COG5: variants seen among roughly 807,000 people sequenced by gnomAD.
The protein encoded by COG5 is conserved oligomeric Golgi complex subunit 5.
Under a neutral mutation model 110.4 loss-of-function variants are expected in COG5, and 86 were observed. The observed-to-expected ratio is 0.78, with a 90% CI of 0.65 to 0.93. The LOEUF (loss-of-function observed/expected upper bound fraction) is 0.93. Among genes scored for constraint, COG5 ranks in the 40% least tolerant of loss-of-function variants. The pLI, the probability that COG5 is intolerant of heterozygous loss-of-function variation, is 0.00. For synonymous variants in COG5, 360 were observed against 334.6 expected (o/e 1.08, Z -0.83); for missense variants, 1,077 against 987.0 (o/e 1.09, Z -1.22).
chr7:107,474,001 AAT>A lies in COG5; in HGVS notation c.538+53234_538+53235del. The A allele has an allele frequency of 1.2e-6, 1 of 849,636 alleles. No homozygotes were observed. The highest frequency in any genetic ancestry group is 1.7e-5 in the African/African-American group (1 of 58,814). 52.6% of individuals were successfully genotyped at this position (849,636 alleles called of 1,614,324 possible). On this transcript the variant is annotated intron_variant, in intron 6 of 21. Transcript: ENST00000297135. This position sits in a 1 kb window ranked among gnomAD's most constrained non-coding sequence, Gnocchi z 5.7. ...ACGTTATACGTCATTTAAATTGCCA[AAT>A]ATCAAATAGTTTATTCTATTTCACT...
At chr7:107,437,676 A>T (rs1328918066) in intron 6 of COG5, among the ~76,000 whole-genome samples, 1 of 152,152 alleles carries the variant, frequency 6.6e-6, no homozygotes, top group African/African-American at 2.4e-5. Context: ...ATATATTTAG[A>T]TGCACATATT....
chr7:107,394,341 A>G (rs1474892857), intron 7 of COG5, among the ~76,000 whole-genome samples: 1 of 152,056 alleles, frequency 6.6e-6, no homozygotes, highest in African/African-American at 2.4e-5. Context: ...ATTTCAGAAT[A>G]TGGCACAATC....
chr7:107,332,734 T>TA (rs1810370760), intron 10 of COG5, among the ~76,000 whole-genome samples: 1 of 152,000 alleles, frequency 6.6e-6, no homozygotes, highest in South Asian at 2.1e-4. Context: ...GAAGTAGAGA[T>TA]ACCAGGTAGC....
rs922776651 is a variant in COG5, at chr7:107,506,607, C to G, written c.538+20630G>C. On this transcript the variant is annotated intron_variant, in intron 6 of 21. Transcript: ENST00000297135. ...TAAACCCCACCCAGCTCACCCAGCT[C>G]CCCGCATACTTCGCAAGGCAGATCT... is the stretch of plus-strand genomic sequence containing the variant. 4.6e-5 allele frequency among the ~76,000 whole-genome samples: 7 copies of G among 152,188 alleles called. No homozygotes were observed. The East Asian group carries it at 9.6e-4, about 21-fold the overall frequency.
At chr7:107,291,551 T>C (rs1013991355) in intron 12 of COG5, among the ~76,000 whole-genome samples, 4 of 152,250 alleles carry the variant, frequency 2.6e-5, no homozygotes, top group Non-Finnish European at 5.9e-5. Flanking sequence ...GACACAGCTT[T>C]GGGTATGCTA....
chr7:107,324,771 C>T (rs962924232), intron 10 of COG5, among the ~76,000 whole-genome samples: 1 of 152,168 alleles, frequency 6.6e-6, no homozygotes. Context: ...GGGCATGTTG[C>T]TTAGCCATTC....
At chr7:107,300,973 TAG>T (rs112598136) in intron 11 of COG5, among the ~76,000 whole-genome samples, 54 of 152,174 alleles carry the variant, frequency 3.5e-4, no homozygotes, top group African/African-American at 1.3e-3. Context: ...TGGTGCAGAA[TAG>T]AGAGTACAAA....
At chr7:107,322,000 C>G (rs1183585502) in intron 11 of COG5, among the ~76,000 whole-genome samples, 1 of 152,094 alleles carries the variant, frequency 6.6e-6, no homozygotes, top group African/African-American at 2.4e-5. Context: ...TGCAAAGATT[C>G]CTTGGGACTC....
intron 19 of COG5, among the ~76,000 whole-genome samples, chr7:107,214,164 A>T (rs1799357164): frequency 6.6e-6 from 1 of 152,184 alleles, no homozygotes; most frequent in South Asian, 2.1e-4. Flanking sequence ...GTAGACTTGT[A>T]CTAAAAATTC....
chr7:107,406,324 T>C (rs984399862), intron 7 of COG5, among the ~76,000 whole-genome samples: 2 of 152,204 alleles, frequency 1.3e-5, no homozygotes, highest in Non-Finnish European at 2.9e-5. Context: ...ATTACTTTTA[T>C]ACTTTTGTCT....
chr7:107,439,154 C>T (rs774265833), intron 6 of COG5, among the ~76,000 whole-genome samples: 1 of 152,174 alleles, frequency 6.6e-6, no homozygotes, highest in Non-Finnish European at 1.5e-5. Flanking sequence ...CTATGCCCTC[C>T]TGCCTCATCA....
rs553021569 is a variant in COG5, at chr7:107,525,749, A to AT, written c.538+1487dup. On this transcript the variant is annotated intron_variant, in intron 6 of 21. Coordinates refer to ENST00000297135, the MANE Select transcript of COG5 (RefSeq NM_006348.5). ...TTGTTTTAATTTCCTTTACTTCTCA[A>AT]TTTTTACTTTTTAGAGCCAAGAGGA... Among the ~76,000 whole-genome samples, 836 of 151,984 alleles carry AT rather than the reference A, an allele frequency of 5.5e-3. 8 individuals carry two copies. The highest frequency in any genetic ancestry group is 0.019 in the African/African-American group (808 of 41,446).
intron 6 of COG5, among the ~76,000 whole-genome samples, chr7:107,507,022 C>T (rs1799066925): frequency 6.6e-6 from 1 of 152,174 alleles, no homozygotes; most frequent in South Asian, 2.1e-4. Flanking sequence ...CACTGCCGTT[C>T]CTACTTTTAT....
Position 107,408,458 on chromosome 7 carries a change from T to C in COG5, c.669+4044A>G, listed in dbSNP as rs541089066. On this transcript the variant is annotated intron_variant, in intron 7 of 21. Transcript: ENST00000297135. Reference sequence around the variant, plus strand: ...TTACAGAGTCTTTATGATGGTCTCATGGAATAATGTGGATGATACTAAGAA... The same window carrying C: ...TTACAGAGTCTTTATGATGGTCTCACGGAATAATGTGGATGATACTAAGAA... Among the ~76,000 whole-genome samples the C allele has an allele frequency of 5.4e-4, 83 of 152,326 alleles. 1 individual carries two copies. The highest frequency in any genetic ancestry group is 2.1e-3 in the East Asian group (11 of 5,186).
At chr7:107,315,778 T>C (rs937487451) in intron 11 of COG5, among the ~76,000 whole-genome samples, 1 of 152,118 alleles carries the variant, frequency 6.6e-6, no homozygotes, top group Non-Finnish European at 1.5e-5. Context: ...TCAGGGACTG[T>C]ATGTGCTATA....
At chr7:107,414,703 CTTTTTTTTTTTTTTTTTTTTTTTTT>C (rs530323655) in intron 6 of COG5, among the ~76,000 whole-genome samples, 46 of 61,722 alleles carry the variant, frequency 7.5e-4, no homozygotes, top group Non-Finnish European at 8.0e-4. Flanking sequence ...CTCACTGTCC[CTTTTTTTTTTTTTTTTTTTTTTTTT>C]TTTTTTTTTT....
chr7:107,233,367 C>G (rs1377513519), intron 18 of COG5, among the ~76,000 whole-genome samples: 2 of 152,136 alleles, frequency 1.3e-5, no homozygotes, highest in Non-Finnish European at 1.5e-5. Context: ...AATTAATTAC[C>G]TGTAGGAAAC....
chr7:107,297,218 C>T (rs927507045), intron 12 of COG5, among the ~76,000 whole-genome samples: 1 of 152,096 alleles, frequency 6.6e-6, no homozygotes, highest in East Asian at 1.9e-4. Context: ...ATGGTCGTGG[C>T]TGTAATGAAA....
intron 10 of COG5, among the ~76,000 whole-genome samples, chr7:107,325,718 T>C (rs1809710081): frequency 6.6e-6 from 1 of 152,130 alleles, no homozygotes; most frequent in Non-Finnish European, 1.5e-5. Flanking sequence ...TGTTAAAATA[T>C]TGCTACAGTC....
Sources: gnomAD v4.1 joint callset for allele counts (sites outside exome capture counted in the v4.1 genomes callset) on GRCh38, gnomAD v4.1.1 for gene constraint, Gnocchi (gnomAD v3.1) non-coding constraint, MANE v1.5 for transcripts, NCBI Gene and HGNC (gene_info 2026-07-23, HGNC 2026-07-21) for gene names.